WDR7: variants seen among roughly 807,000 people sequenced by gnomAD.
The protein encoded by WDR7 is WD repeat domain 7.
A neutral mutation model predicts 169.4 loss-of-function variants in WDR7; 46 were observed. The observed-to-expected ratio is 0.27, with a 90% CI of 0.21 to 0.35. WDR7 has a LOEUF of 0.35. WDR7 is among the 10% of genes least tolerant of loss of function. WDR7 has a pLI of 1.00. For missense variants in WDR7, 1,534 were observed against 1,859.3 expected, an observed-to-expected ratio of 0.83 and a Z score of 3.22; for synonymous variants, 612 against 666.8, an observed-to-expected ratio of 0.92 and a Z score of 1.27.
chr18:56,799,863 G>T (rs548236002), intron 19 of WDR7, among the ~76,000 whole-genome samples: 17 of 152,120 alleles, frequency 1.1e-4, no homozygotes, highest in Non-Finnish European at 2.1e-4. Flanking sequence ...GGCATTCTCT[G>T]TAAGAGTAAT....
At chr18:56,971,688 G>C (rs1053841887) in intron 26 of WDR7, among the ~76,000 whole-genome samples, 7 of 152,124 alleles carry the variant, frequency 4.6e-5, no homozygotes, top group Admixed American at 4.6e-4. Context: ...TAACAATTAG[G>C]AGTTAGGCAA....
intron 26 of WDR7, among the ~76,000 whole-genome samples, chr18:57,019,164 A>G (rs2048249654): frequency 6.6e-6 from 1 of 152,192 alleles, no homozygotes. Flanking sequence ...TTCATTGAAT[A>G]GTGTACTCAA....
intron 26 of WDR7, among the ~76,000 whole-genome samples, chr18:56,966,808 G>T (rs1172172468): frequency 6.6e-6 from 1 of 152,142 alleles, no homozygotes; most frequent in African/African-American, 2.4e-5. Context: ...TGGAGGTATG[G>T]TCAGATGCCC....
At chr18:56,936,275 G>C (rs2046959518) in intron 23 of WDR7, 1 of 171,574 alleles carries the variant, frequency 5.8e-6, no homozygotes, top group Non-Finnish European at 1.2e-5. Flanking sequence ...ATTTAGTACT[G>C]GCTCTCTAAC....
chr18:56,955,073 G>T (rs2047233305), intron 25 of WDR7, among the ~76,000 whole-genome samples: 1 of 151,964 alleles, frequency 6.6e-6, no homozygotes, highest in African/African-American at 2.4e-5. Flanking sequence ...CCAAATCTGT[G>T]GTTTGTTTTT....
At position 56,886,466 on chromosome 18, in the gene WDR7, G is replaced by A. The variant is rs115154903; in HGVS notation, c.3526+6301G>A. Among the ~76,000 whole-genome samples the A allele has an allele frequency of 9.4e-3, 1,425 of 152,222 alleles. 24 individuals are homozygous for A. Among genetic ancestry groups the A allele is most frequent in the African/African-American group, 0.032 (1,341 of 41,518 alleles). On this transcript the variant is annotated intron_variant, in intron 21 of 27. Transcript: ENST00000254442. Reference sequence around the variant, plus strand: ...TTGCCTCTACCAAGCCAGCACTACAGGAACTGCTAAAAGGTCTAAATCTTG... The same window carrying A: ...TTGCCTCTACCAAGCCAGCACTACAAGAACTGCTAAAAGGTCTAAATCTTG...
At chr18:57,002,171 T>G (rs1044897171) in intron 26 of WDR7, among the ~76,000 whole-genome samples, 1 of 152,176 alleles carries the variant, frequency 6.6e-6, no homozygotes, top group African/African-American at 2.4e-5. Flanking sequence ...AATTTCATAG[T>G]GTCTATGATA....
downstream of WDR7, chr18:57,031,546 C>T (rs1185553602): frequency 6.6e-6 from 1 of 152,146 alleles, no homozygotes. Context: ...ATCATCAGGC[C>T]TGCTGTAAAC....
At chr18:56,975,198 T>G (rs2047549008) in intron 26 of WDR7, among the ~76,000 whole-genome samples, 2 of 150,530 alleles carry the variant, frequency 1.3e-5, no homozygotes, top group Non-Finnish European at 2.9e-5. Flanking sequence ...ATCACGCCAC[T>G]GCACTCCAGC....
chr18:56,930,475 A>T (rs1380389755), intron 22 of WDR7, among the ~76,000 whole-genome samples: 3 of 152,232 alleles, frequency 2.0e-5, no homozygotes, highest in Non-Finnish European at 4.4e-5. Context: ...CTATTAGCAT[A>T]GTTTTTATTC....
chr18:56,746,823 A>G (rs147980823), intron 14 of WDR7, among the ~76,000 whole-genome samples: 74 of 152,242 alleles, frequency 4.9e-4, no homozygotes, highest in African/African-American at 1.6e-3. Flanking sequence ...TTCTTGTGGA[A>G]TCCTGTGCAG....
intron 1 of WDR7, among the ~76,000 whole-genome samples, chr18:56,664,530 C>CT (rs56780827): frequency 8.2e-5 from 12 of 145,720 alleles, no homozygotes; most frequent in African/African-American, 2.8e-4. Context: ...TTTTTTTCTC[C>CT]TTTTTTTTTT....
intron 21 of WDR7, among the ~76,000 whole-genome samples, chr18:56,892,902 G>T (rs895202280): frequency 1.3e-5 from 2 of 151,980 alleles, no homozygotes; most frequent in African/African-American, 4.8e-5. Context: ...TGTAATGCAA[G>T]TAGAGATCAC....
intron 25 of WDR7, among the ~76,000 whole-genome samples, chr18:56,947,150 G>A (rs563138176): frequency 4.6e-5 from 7 of 152,224 alleles, no homozygotes; most frequent in Admixed American, 4.6e-4. Flanking sequence ...AACAAATATG[G>A]CTGTATTATT....
At chr18:56,758,823 C>T (rs758251593) in intron 15 of WDR7, 42 bp from the exon 16 acceptor site, 4 of 1,443,704 alleles carry the variant, frequency 2.8e-6, no homozygotes, top group Non-Finnish European at 3.8e-6. Flanking sequence ...GGAAATATGA[C>T]AGTATCAAAA....
At chr18:56,832,049 A>T (rs537108706) in intron 20 of WDR7, among the ~76,000 whole-genome samples, 25 of 152,276 alleles carry the variant, frequency 1.6e-4, no homozygotes, top group African/African-American at 5.3e-4. Context: ...CTTGCTCAGC[A>T]GTTCCCACCC....
intron 16 of WDR7, among the ~76,000 whole-genome samples, chr18:56,765,961 G>A (rs2044059439): frequency 6.6e-6 from 1 of 151,618 alleles, no homozygotes; most frequent in African/African-American, 2.4e-5. Context: ...CTTTTAGTGA[G>A]CGTCTGCTCT....
chr18:57,026,814 A>T (rs2048372209), intron 27 of WDR7, among the ~76,000 whole-genome samples, 190 bp from the exon 28 acceptor site: 1 of 152,186 alleles, frequency 6.6e-6, no homozygotes, highest in Admixed American at 6.5e-5. Flanking sequence ...AGATTTCTGC[A>T]TTTACCATAA....
chr18:56,996,930 T>C (rs1568305951), intron 26 of WDR7, among the ~76,000 whole-genome samples: 1 of 152,132 alleles, frequency 6.6e-6, no homozygotes, highest in Non-Finnish European at 1.5e-5. Context: ...TTCTATAAAA[T>C]TTACCTGCAA....
Sources: allele counts gnomAD v4.1 joint callset (sites outside exome capture counted in the v4.1 genomes callset), GRCh38; gene constraint gnomAD v4.1.1; transcripts MANE v1.5; gene names NCBI Gene and HGNC (gene_info 2026-07-23, HGNC 2026-07-21).